CD6: variants seen among roughly 807,000 people sequenced by gnomAD.
The protein encoded by CD6 is T-cell differentiation antigen CD6.
In CD6, 53 loss-of-function variants were observed where a neutral mutation model predicts 75.3. That is an observed-to-expected ratio of 0.70 (90% CI 0.56 to 0.88). The LOEUF is 0.88. Among genes scored for constraint, CD6 ranks in the 40% least tolerant of loss-of-function variants. The pLI is 0.00. For missense variants in CD6, 770 were observed against 897.1 expected (o/e 0.86, Z 1.81); for synonymous variants, 359 against 381.5 (o/e 0.94, Z 0.69).
intron 1 of CD6, among the ~76,000 whole-genome samples, chr11:60,994,609 G>A (rs527782242): frequency 9.5e-4 from 145 of 152,222 alleles, no homozygotes; most frequent in African/African-American, 3.4e-3. Context: ...ACTGGGGAGT[G>A]TGAAAACAAA....
At chr11:61,013,604 ATG>A (rs780300703) in intron 7 of CD6, 41 bp downstream of exon 7, 3 of 1,604,976 alleles carry the variant, frequency 1.9e-6, no homozygotes, top group Non-Finnish European at 2.6e-6. Flanking sequence ...TCCCAGGGGG[ATG>A]TGAGCCTTGG....
Position 61,018,289 on chromosome 11 carries a change from C to T in CD6, c.1838C>T (p.Ala613Val). ...ELAGTQPAFS[A>V]GPPADDSSST... The stretch of plus-strand genomic sequence containing the variant: ...GGTGACTGGTTCTGGGGGTTTCCAG[C>T]AGGGCCCCCGGCTGATGACAGCTCC... The change falls in exon 12 of 13, where the codon GCA becomes GTA. Residue 613 changes from alanine (A) to valine (V), a missense_variant and splice_region_variant. Ala to Val is a moderately conservative substitution (Grantham distance 64). Transcript: ENST00000313421. 6.3e-7 allele frequency: 1 copy of T among 1,595,218 alleles called. No individual in the cohort carries two copies.
chr11:61,018,237 T>C, intron 11 of CD6, 52 bp from the exon 12 acceptor site: 1 of 1,474,738 alleles, frequency 6.8e-7, no homozygotes, highest in Admixed American at 2.2e-5. Flanking sequence ...CTCTGGCAAC[T>C]TGAGAAGTGG....
chr11:61,003,258 C>T (rs1283177494), intron 1 of CD6, among the ~76,000 whole-genome samples: 1 of 152,146 alleles, frequency 6.6e-6, no homozygotes, highest in Admixed American at 6.5e-5. Flanking sequence ...AGCCACCACG[C>T]CCAGCCCTAA....
Position 60,994,457 on chromosome 11 carries a change from C to CA in CD6, c.50-12103dup, listed in dbSNP as rs61349237. ...CTCATCCCCTCCCCAACACCCCCGC[C>CA]AAAAAAAAAAAAAAGCTGAATTTCT... is the stretch of plus-strand genomic sequence containing the variant. On this transcript the variant is annotated intron_variant, in intron 1 of 12. Transcript: ENST00000313421. Among the ~76,000 whole-genome samples, 98 of 52,970 alleles carry CA rather than the reference C, an allele frequency of 1.9e-3. 7 individuals are homozygous for CA. Among genetic ancestry groups the CA allele is most frequent in the African/African-American group, 6.9e-3 (81 of 11,750 alleles). 34.8% of individuals were successfully genotyped at this position (52,970 alleles called of 152,430 possible).
chr11:61,002,745 A>C (rs1197694609), intron 1 of CD6, among the ~76,000 whole-genome samples: 1 of 152,220 alleles, frequency 6.6e-6, no homozygotes, highest in Non-Finnish European at 1.5e-5. Flanking sequence ...TGGAAAGCCC[A>C]AGATCTAGGG....
At chr11:61,002,689 A>C (rs1858641322) in intron 1 of CD6, among the ~76,000 whole-genome samples, 1 of 152,258 alleles carries the variant, frequency 6.6e-6, no homozygotes, top group Non-Finnish European at 1.5e-5. Context: ...CCACAGAGTG[A>C]GTAATTTAAA....
intron 9 of CD6, 67 bp downstream of exon 9, chr11:61,015,902 G>C: frequency 5.0e-6 from 8 of 1,587,278 alleles, no homozygotes; most frequent in Non-Finnish European, 6.9e-6. Context: ...CGAGGGGACC[G>C]TCAGGTCAGT....
intron 1 of CD6, among the ~76,000 whole-genome samples, chr11:60,998,550 C>T (rs1325027029): frequency 6.6e-6 from 1 of 152,156 alleles, no homozygotes; most frequent in Non-Finnish European, 1.5e-5. Context: ...CTCCACTGTG[C>T]CCCCAACAAT....
chr11:60,973,305 A>G (rs539651634), intron 1 of CD6, among the ~76,000 whole-genome samples: 5 of 152,352 alleles, frequency 3.3e-5, no homozygotes, highest in African/African-American at 1.2e-4. Context: ...GTGGGAACCC[A>G]GAGACCTGGG....
intron 1 of CD6, among the ~76,000 whole-genome samples, chr11:60,986,354 G>A (rs1322736285): frequency 6.6e-6 from 1 of 152,162 alleles, no homozygotes; most frequent in Non-Finnish European, 1.5e-5. Flanking sequence ...CCGGGCTGGT[G>A]TTGATCCACA....
chr11:61,005,432 C>T (rs1418613686), intron 1 of CD6, among the ~76,000 whole-genome samples: 1 of 152,192 alleles, frequency 6.6e-6, no homozygotes, highest in East Asian at 1.9e-4. Flanking sequence ...TAAGGCTCCC[C>T]ATTGGCTGAA....
Position 61,007,756 on chromosome 11 carries a change from GC to G in CD6, c.320del (p.Pro107ArgfsTer9), listed in dbSNP as rs1163206029. The G allele has an allele frequency of 7.6e-6, 11 of 1,452,148 alleles. No individual in the cohort carries two copies. The highest frequency in any genetic ancestry group is 2.7e-5 in the South Asian group (2 of 72,894). 90.0% of individuals were successfully genotyped at this position (1,452,148 alleles called of 1,614,324 possible). The stretch of plus-strand genomic sequence containing the variant: ...TCGCCCCGCCGACCCCTGAGCTGCC[GC>G]CCCCGCCTGCAGCCGGGAACACCAG... Reference protein sequence around the residue: ...QLAPPTPELPPPPAAGNTSVA... With the variant: ...QLAPPTPELPXPPAAGNTSVA... On this transcript the variant is annotated frameshift_variant, in exon 3 of 13. Transcript: ENST00000313421. LOFTEE classifies it high-confidence loss of function. This position sits in a 1 kb window ranked among gnomAD's most constrained non-coding sequence, Gnocchi z 4.2.
At position 61,007,578 on chromosome 11, in the gene CD6, G is replaced by A; in HGVS notation, c.137G>A (p.Arg46His). 2.0e-6 allele frequency: 3 copies of A among 1,501,954 alleles called. No homozygotes were observed. Among genetic ancestry groups the A allele is most frequent in the South Asian group, 1.3e-5 (1 of 79,810 alleles). The allele number at this position is 1,501,954 out of a possible 1,614,324, so 93.0% of individuals were successfully genotyped here. The stretch of plus-strand genomic sequence containing the variant: ...CTTCCAGGGGAGCGGCTTCCGGTCC[G>A]TCTGACAAACGGGAGCAGCAGCTGC... ...LWEPGERLPV[R>H]LTNGSSSCSG... is the part of the protein sequence containing the mutation. Residue 46 changes from arginine to histidine, a missense_variant, in exon 3 of 13, where the codon CGT becomes CAT. Transcript: ENST00000313421. This position sits in a 1 kb window ranked among gnomAD's most constrained non-coding sequence, Gnocchi z 4.2.
intron 1 of CD6, 35 bp downstream of exon 1, chr11:60,971,949 C>A: frequency 6.2e-7 from 1 of 1,608,118 alleles, no homozygotes; most frequent in Non-Finnish European, 8.5e-7. Context: ...GCCACTGGTG[C>A]TGGAGGAGCC....
Position 60,971,907 on chromosome 11 carries a change from C to G in CD6, c.42C>G (p.Ala14=), listed in dbSNP as rs376745067. The G allele has an allele frequency of 1.5e-5, 24 of 1,613,886 alleles. No individual in the cohort carries two copies. Among genetic ancestry groups the G allele is most frequent in the Non-Finnish European group, 1.8e-5 (21 of 1,179,998 alleles). ...GGATCACTGGATTGCTGACGGCAGC[C>G]CTCTCAGGTAGGCCCCCTTCCCTCA... The part of the protein sequence containing the change: ...FFGITGLLTA[A]LSGHPSPAPP... The change falls in exon 1 of 13, where the codon GCC becomes GCG. Residue 14 remains alanine (A), a synonymous_variant. Coordinates refer to ENST00000313421, the MANE Select transcript of CD6 (RefSeq NM_006725.5).
chr11:60,985,872 C>T (rs770805920), intron 1 of CD6, among the ~76,000 whole-genome samples: 5 of 152,176 alleles, frequency 3.3e-5, no homozygotes, highest in Admixed American at 1.3e-4. Flanking sequence ...TTAATGCAGT[C>T]GGACAGAAAA....
chr11:60,972,976 T>G (rs991566768), intron 1 of CD6, among the ~76,000 whole-genome samples: 1 of 152,202 alleles, frequency 6.6e-6, no homozygotes, highest in Non-Finnish European at 1.5e-5. Context: ...GCATGTAGCT[T>G]TGCCCTGCTA....
In CD6 at chr11:60,996,255, G is replaced by A. The variant is rs186374545; in HGVS notation, c.50-10319G>A. Among the ~76,000 whole-genome samples, 245 of 152,270 alleles carry A rather than the reference G, an allele frequency of 1.6e-3. 1 individual carries two copies. Among genetic ancestry groups the A allele is most frequent in the Middle Eastern group, 3.4e-3 (1 of 294 alleles). On this transcript the variant is annotated intron_variant, in intron 1 of 12. Coordinates refer to ENST00000313421, the MANE Select transcript of CD6 (RefSeq NM_006725.5). Reference sequence around the variant, plus strand: ...GCCAGATTTGTGACGGGTGCTCGACGTGCCTTGGGGCCTCCCCTTTCCCTA... The same window carrying A: ...GCCAGATTTGTGACGGGTGCTCGACATGCCTTGGGGCCTCCCCTTTCCCTA...
Sources: gnomAD v4.1 joint callset for allele counts (sites outside exome capture counted in the v4.1 genomes callset) on GRCh38, gnomAD v4.1.1 for gene constraint, Gnocchi (gnomAD v3.1) non-coding constraint, MANE v1.5 for transcripts, NCBI Gene and HGNC (gene_info 2026-07-23, HGNC 2026-07-21) for gene names.